SYNE2: variants seen among roughly 807,000 people sequenced by gnomAD.
The protein encoded by SYNE2 is nesprin-2.
SYNE2 carries 431 observed loss-of-function variants against 856.3 expected under a neutral mutation model. That is an observed-to-expected ratio of 0.50 (90% confidence interval 0.47 to 0.55). The LOEUF (loss-of-function observed/expected upper bound fraction) is 0.55, where lower values mean the gene tolerates loss of function less well. SYNE2 is among the 20% of genes least tolerant of loss of function. The probability of loss-of-function intolerance (pLI) is 0.00; values close to 1 mark genes in which losing one functional copy is unlikely to be tolerated. For missense variants in SYNE2, 8,129 were observed against 8,023.2 expected, an observed-to-expected ratio of 1.01 and a Z score of -0.50; for synonymous variants, 2,923 against 2,872.3, an observed-to-expected ratio of 1.02 and a Z score of -0.56.
At chr14:64,208,655 C>G in intron 100 of SYNE2, 103 bp from the exon 101 acceptor site, 1 of 1,189,586 alleles carries the variant, frequency 8.4e-7, no homozygotes, top group South Asian at 1.2e-5. Context: ...AGGGAAGTAT[C>G]CCCTGAGCTG....
intron 63 of SYNE2, 52 bp downstream of exon 63, chr14:64,098,873 G>A (rs2097698612): frequency 6.4e-7 from 1 of 1,558,566 alleles, no homozygotes; most frequent in African/African-American, 1.3e-5. Context: ...ATCTCTAAAA[G>A]AAGTCAATGA....
intron 79 of SYNE2, among the ~76,000 whole-genome samples, chr14:64,138,946 GGTGTGTGTGT>G (rs150016027): frequency 0.02 from 2,785 of 137,642 alleles, 62 homozygotes; most frequent in African/African-American, 0.061. Context: ...GTGTATGTAT[GGTGTGTGTGT>G]GTGTGTGTGT....
intron 63 of SYNE2, chr14:64,099,393 T>G (rs564929091): frequency 5.8e-6 from 1 of 173,832 alleles, no homozygotes; most frequent in East Asian, 1.7e-4. Flanking sequence ...GTGACTTACA[T>G]GTAACCACCA....
In SYNE2 at chr14:64,031,300, G is replaced by C; in HGVS notation, c.7164G>C (p.Glu2388Asp). The change falls in exon 45 of 116, where the codon GAG becomes GAC. Residue 2388 changes from glutamate (E) to aspartate (D), a missense_variant. By Grantham distance (45) the Glu-to-Asp change is conservative. Transcript: ENST00000555002. ...AGCAGGCCACTTCTGATGTGCAGGA[G>C]TCTACTCAGGAATCAGCTGCAGTGG... is the stretch of plus-strand genomic sequence containing the variant. ...REKQATSDVQESTQESAAVEK... is the reference protein window; with the variant it reads ...REKQATSDVQDSTQESAAVEK... The C allele has an allele frequency of 6.2e-7, 1 of 1,614,164 alleles. No homozygotes were observed. The highest frequency in any genetic ancestry group is 1.3e-5 in the African/African-American group (1 of 75,058).
At chr14:63,870,868 C>T (rs1468725297) in intron 1 of SYNE2, among the ~76,000 whole-genome samples, 2 of 152,250 alleles carry the variant, frequency 1.3e-5, no homozygotes, top group East Asian at 1.9e-4. Flanking sequence ...TTAACCCTAT[C>T]AGCACATGGA....
intron 51 of SYNE2, among the ~76,000 whole-genome samples, chr14:64,066,701 C>G (rs536387975): frequency 6.6e-6 from 1 of 152,298 alleles, no homozygotes; most frequent in African/African-American, 2.4e-5. Flanking sequence ...GCTGCTGGCA[C>G]CAGTGCTTGC....
At chr14:64,064,401 A>G (rs2153590917) in intron 50 of SYNE2, among the ~76,000 whole-genome samples, 1 of 152,310 alleles carries the variant, frequency 6.6e-6, no homozygotes, top group East Asian at 1.9e-4. Context: ...TTATATACAA[A>G]TAAAACATAC....
intron 115 of SYNE2, 82 bp downstream of exon 115, chr14:64,225,127 G>C: frequency 6.4e-7 from 1 of 1,574,628 alleles, no homozygotes; most frequent in Non-Finnish European, 8.7e-7. Context: ...CCACTATCAA[G>C]GTCCTTGCAA....
intron 96 of SYNE2, among the ~76,000 whole-genome samples, chr14:64,184,572 A>G (rs2153744172): frequency 1.3e-5 from 2 of 152,284 alleles, no homozygotes; most frequent in Middle Eastern, 6.8e-3. Context: ...GCTTCCTGCC[A>G]CCTGACTGGG....
In SYNE2 at chr14:64,070,791, G is replaced by A. The variant is rs754104402; in HGVS notation, c.10578G>A (p.Leu3526=). The A allele has an allele frequency of 1.1e-5, 17 of 1,614,204 alleles. No individual in the cohort carries two copies. In the East Asian group the frequency reaches 3.3e-4, roughly 32 times the overall value. ...QYGENVEKQQ[L]LLTLLLQRIR... is the part of the protein sequence containing the mutation. ...GAGAGAACGTGGAGAAGCAACAGCT[G>A]TTACTGACTCTACTTCTTCAGCGCA... Residue 3526 remains leucine, a synonymous_variant, in exon 52 of 116, where the codon CTG becomes CTA. Transcript: ENST00000555002.
chr14:64,093,063 G>C (rs750096239), intron 60 of SYNE2, among the ~76,000 whole-genome samples: 4 of 150,698 alleles, frequency 2.7e-5, no homozygotes, highest in Non-Finnish European at 5.9e-5. Flanking sequence ...ATGCTTTCCA[G>C]AATAAACCCA....
intron 6 of SYNE2, among the ~76,000 whole-genome samples, chr14:63,945,765 C>G (rs1414942411): frequency 6.6e-6 from 1 of 152,132 alleles, no homozygotes. Context: ...GCTGGAATTA[C>G]AGGTGTGTGT....
In SYNE2 at chr14:64,016,605, A is replaced by G; in HGVS notation, c.4861A>G (p.Asn1621Asp). ...AGAGCCCCCTTTTGAAAAAGAGGCT[A>G]ATATTATTGTGGATAGATGGCTTGA... ...FEEPPFEKEA[N>D]IIVDRWLDIN... Residue 1621 changes from asparagine (N) to aspartate (D), a missense_variant, in exon 33 of 116, where the codon AAT becomes GAT. By Grantham distance (23) the Asn-to-Asp change is conservative. Transcript: ENST00000555002. 1.9e-6 allele frequency: 3 copies of G among 1,597,426 alleles called. No homozygotes were observed. The highest frequency in any genetic ancestry group is 2.6e-6 in the Non-Finnish European group (3 of 1,168,924).
intron 11 of SYNE2, among the ~76,000 whole-genome samples, chr14:63,976,007 AC>A (rs553044127): frequency 7.9e-4 from 120 of 152,316 alleles, no homozygotes; most frequent in Middle Eastern, 3.4e-3. Context: ...TGTGTTTCTC[AC>A]ATGCTTGTGC....
intron 45 of SYNE2, among the ~76,000 whole-genome samples, chr14:64,045,057 A>G (rs1281995558): frequency 6.6e-6 from 1 of 152,214 alleles, no homozygotes; most frequent in Non-Finnish European, 1.5e-5. Flanking sequence ...TGATGAAAGA[A>G]TCTTCCATTC....
chr14:63,861,602 G>A (rs949945627), intron 1 of SYNE2, among the ~76,000 whole-genome samples: 5 of 138,172 alleles, frequency 3.6e-5, no homozygotes, highest in Non-Finnish European at 6.2e-5. Context: ...ACCAGCCTGG[G>A]CAACATAGTG....
At chr14:63,968,684 T>A (rs1415443733) in intron 11 of SYNE2, among the ~76,000 whole-genome samples, 1 of 152,184 alleles carries the variant, frequency 6.6e-6, no homozygotes, top group Non-Finnish European at 1.5e-5. Flanking sequence ...TGTTAACTTT[T>A]AAAAAAATTC....
intron 30 of SYNE2, among the ~76,000 whole-genome samples, chr14:64,005,386 AG>A (rs745752470): frequency 1.7e-4 from 26 of 152,186 alleles, no homozygotes; most frequent in Non-Finnish European, 3.4e-4. Context: ...TTCTGTATAT[AG>A]TTTGAAGATA....
intron 67 of SYNE2, among the ~76,000 whole-genome samples, chr14:64,120,197 TAA>T (rs889522481): frequency 6.6e-6 from 1 of 152,192 alleles, no homozygotes; most frequent in African/African-American, 2.4e-5. Context: ...TTCACAGAAA[TAA>T]GACTGGCTGC....
Sources: gnomAD v4.1 joint callset for allele counts (sites outside exome capture counted in the v4.1 genomes callset) on GRCh38, gnomAD v4.1.1 for gene constraint, MANE v1.5 for transcripts, NCBI Gene and HGNC (gene_info 2026-07-23, HGNC 2026-07-21) for gene names.